SMIM41: variants seen among roughly 807,000 people sequenced by gnomAD.
SMIM41 encodes the protein small integral membrane protein 41.
chr12:52,107,894 A>C lies in SMIM41; in HGVS notation c.*711A>C. 3.4e-6 allele frequency: 1 copy of C among 291,676 alleles called. No individual in the cohort carries two copies. The highest frequency in any genetic ancestry group is 6.7e-6 in the Non-Finnish European group (1 of 150,110). The allele number at this position is 291,676 out of a possible 1,614,324, so 18.1% of individuals were successfully genotyped here. On this transcript the variant is annotated 3_prime_UTR_variant, in exon 3 of 3. Coordinates refer to ENST00000546390, the MANE Select transcript of SMIM41 (RefSeq NM_001369216.1). ...TTCTGTGACCTTTCTCAACTCCCCC[A>C]TCTTGCCGTTGTGACACCTTCATCA...
intron 2 of SMIM41, among the ~76,000 whole-genome samples, chr12:52,097,667 C>A (rs1247637076): frequency 1.3e-5 from 2 of 152,066 alleles, no homozygotes; most frequent in Non-Finnish European, 2.9e-5. Flanking sequence ...ATACTGGGAA[C>A]AATATCACAG....
At chr12:52,105,877 T>C (rs1479887299) in intron 2 of SMIM41, among the ~76,000 whole-genome samples, 1 of 152,240 alleles carries the variant, frequency 6.6e-6, no homozygotes, top group African/African-American at 2.4e-5. Context: ...TTTCTACTTA[T>C]CTGTATGGCA....
chr12:52,096,540 A>T (rs1014873456), intron 2 of SMIM41, among the ~76,000 whole-genome samples: 1 of 151,862 alleles, frequency 6.6e-6, no homozygotes, highest in East Asian at 1.9e-4. Flanking sequence ...TATTAATATT[A>T]AGAAATAATT....
At chr12:52,080,578 A>G (rs977911564) in intron 1 of SMIM41, among the ~76,000 whole-genome samples, 4 of 151,300 alleles carry the variant, frequency 2.6e-5, no homozygotes, top group African/African-American at 4.9e-5. Flanking sequence ...CCCCACCCTC[A>G]CCTCCATGGT....
chr12:52,103,358 A>C (rs79854370), intron 2 of SMIM41, among the ~76,000 whole-genome samples: 2 of 92,968 alleles, frequency 2.2e-5, no homozygotes, highest in South Asian at 6.5e-4. Flanking sequence ...AAATAAAACC[A>C]AAAAAAAAAA....
intron 2 of SMIM41, among the ~76,000 whole-genome samples, chr12:52,090,851 GA>G (rs771374312): frequency 6.6e-6 from 1 of 152,126 alleles, no homozygotes; most frequent in Non-Finnish European, 1.5e-5. Flanking sequence ...GCTTCTTCTT[GA>G]ATACAGATCC....
intron 2 of SMIM41, among the ~76,000 whole-genome samples, chr12:52,104,673 C>CGG (rs111290671): frequency 2.0e-5 from 3 of 146,554 alleles, no homozygotes; most frequent in South Asian, 2.2e-4. Flanking sequence ...TGGTTATGGT[C>CGG]GGGGGGGGGC....
At chr12:52,098,731 T>C (rs1940152778) in intron 2 of SMIM41, among the ~76,000 whole-genome samples, 1 of 79,678 alleles carries the variant, frequency 1.3e-5, no homozygotes, top group South Asian at 3.7e-4. Flanking sequence ...AGGAACAATA[T>C]CACGGGGGGG....
chr12:52,095,114 TA>T (rs113002311), intron 2 of SMIM41, among the ~76,000 whole-genome samples: 15,815 of 151,898 alleles, frequency 0.1, 2,661 homozygotes, highest in African/African-American at 0.36. Context: ...CCCACTTAAT[TA>T]AAATTTTTTT....
rs545320850 is a variant in SMIM41 at position 52,095,339 on chromosome 12, C to T, written c.*195+11371C>T. Reference sequence around the variant, plus strand: ...AGGGGGGCGGGCGCCCCCCGCGATTCGGGGAGTAATATCACCCCCCTCTCC... The same window carrying T: ...AGGGGGGCGGGCGCCCCCCGCGATTTGGGGAGTAATATCACCCCCCTCTCC... On this transcript the variant is annotated intron_variant, in intron 2 of 2. Coordinates refer to ENST00000546390, the MANE Select transcript of SMIM41 (RefSeq NM_001369216.1). 2.9e-4 allele frequency among the ~76,000 whole-genome samples: 44 copies of T among 151,704 alleles called. No individual in the cohort carries two copies. The East Asian group carries it at 6.0e-3, about 21-fold the overall frequency.
At chr12:52,089,434 T>C (rs1743363661) in intron 2 of SMIM41, among the ~76,000 whole-genome samples, 2 of 151,750 alleles carry the variant, frequency 1.3e-5, no homozygotes, top group Non-Finnish European at 2.9e-5. Context: ...CTTCCCCATC[T>C]CTACAAAAAC....
At chr12:52,093,549 G>A (rs1940039050) in intron 2 of SMIM41, 1 of 152,190 alleles carries the variant, frequency 6.6e-6, no homozygotes, top group South Asian at 2.1e-4. Flanking sequence ...GAGGTATGGG[G>A]ATTCGGGGCC....
At chr12:52,100,961 A>G (rs933469766) in intron 2 of SMIM41, among the ~76,000 whole-genome samples, 8 of 152,226 alleles carry the variant, frequency 5.3e-5, no homozygotes, top group African/African-American at 1.9e-4. Flanking sequence ...GTTTCAATTA[A>G]GAAACTATGG....
intron 2 of SMIM41, among the ~76,000 whole-genome samples, chr12:52,103,155 G>A (rs555245220): frequency 3.3e-5 from 5 of 151,982 alleles, no homozygotes; most frequent in South Asian, 2.1e-4. Context: ...GTGAAACCCC[G>A]TCTCTACTGA....
chr12:52,097,962 G>A (rs1213963212), intron 2 of SMIM41, among the ~76,000 whole-genome samples: 2 of 30,152 alleles, frequency 6.6e-5, no homozygotes, highest in Non-Finnish European at 1.2e-4. Flanking sequence ...CCCCGCCCCC[G>A]GATATTAGAG....
rs188324147 is a variant in SMIM41, at chr12:52,091,310, G to A, written c.*195+7342G>A. Among the ~76,000 whole-genome samples the A allele has an allele frequency of 4.4e-3, 673 of 152,326 alleles. 1 individual carries two copies. Among genetic ancestry groups the A allele is most frequent in the Admixed American group, 0.011 (162 of 15,300 alleles). ...GCCTGAGCCTCTGCTCTTTCTGCAG[G>A]GGGAGCTCCTGGGGGCTTCAACTCA... On this transcript the variant is annotated intron_variant, in intron 2 of 2. Coordinates refer to ENST00000546390, the MANE Select transcript of SMIM41 (RefSeq NM_001369216.1).
intron 1 of SMIM41, among the ~76,000 whole-genome samples, chr12:52,082,895 T>C (rs1277008342): frequency 6.6e-6 from 1 of 152,178 alleles, no homozygotes; most frequent in Non-Finnish European, 1.5e-5. Context: ...CAAGAGAGCC[T>C]GCTCTCCTGC....
At chr12:52,090,545 C>T (rs986616870) in intron 2 of SMIM41, among the ~76,000 whole-genome samples, 11 of 152,136 alleles carry the variant, frequency 7.2e-5, no homozygotes, top group African/African-American at 1.9e-4. Flanking sequence ...CAGGGAGCTG[C>T]GGCTGCGGTG....
chr12:52,080,500 G>A (rs1939802511), intron 1 of SMIM41, among the ~76,000 whole-genome samples: 1 of 152,196 alleles, frequency 6.6e-6, no homozygotes. Flanking sequence ...GGGTGGTTGT[G>A]GAGGCAGGAG....
Sources: gnomAD v4.1 joint callset for allele counts (sites outside exome capture counted in the v4.1 genomes callset) on GRCh38, gnomAD v4.1.1 for gene constraint, MANE v1.5 for transcripts, NCBI Gene and HGNC (gene_info 2026-07-23, HGNC 2026-07-21) for gene names.